Variants in STYK1 observed in about 807,000 individuals in gnomAD.
STYK1 encodes the protein STY kinase 1.
STYK1 carries 46 observed loss-of-function variants against 48.1 expected under a neutral mutation model. The observed-to-expected ratio is 0.96, with a 90% CI of 0.75 to 1.22. The LOEUF is 1.22. Ranked by LOEUF, STYK1 falls within the 50% of genes most tolerant of loss-of-function variation. The probability of loss-of-function intolerance (pLI) is 0.00; values close to 1 mark genes in which losing one functional copy is unlikely to be tolerated. For synonymous variants in STYK1, 188 were observed against 189.0 expected (o/e 0.99, Z 0.04); for missense variants, 527 against 521.1 (o/e 1.01, Z -0.11).
rs534521958 is a variant in STYK1, at chr12:10,672,713, A to G, written c.-195+1253T>C. Among the ~76,000 whole-genome samples the G allele has an allele frequency of 1.6e-3, 250 of 152,352 alleles. No homozygotes were observed. The highest frequency in any genetic ancestry group is 3.2e-3 in the Non-Finnish European group (215 of 68,024). ...TGTGAAAAAAATTGTCTTCCACAAA[A>G]TCAGTCCCTGGTGCCTGGTGCCAAA... On this transcript the variant is annotated intron_variant, in intron 1 of 10. Coordinates refer to ENST00000075503, the MANE Select transcript of STYK1 (RefSeq NM_018423.3). The surrounding 1 kb of genome is among the most constrained non-coding windows in gnomAD (Gnocchi z 4.0).
intron 1 of STYK1, among the ~76,000 whole-genome samples, chr12:10,654,680 C>T (rs1397561246): frequency 6.6e-6 from 1 of 152,170 alleles, no homozygotes; most frequent in African/African-American, 2.4e-5. Context: ...CTTAATGAAA[C>T]TTGAGTTTGA....
chr12:10,629,676 T>C lies in STYK1; in HGVS notation c.452-2A>G, dbSNP rs751376436. 4.3e-6 allele frequency: 7 copies of C among 1,614,010 alleles called. No individual in the cohort carries two copies. Among genetic ancestry groups the C allele is most frequent in the Non-Finnish European group, 5.9e-6 (7 of 1,180,026 alleles). ...GTACCTCATGGAGCCCAGCTGGTTCTGTAGAGGACGAAAGATCCAGGCAGT... is the reference window on the plus strand; with the variant it reads ...GTACCTCATGGAGCCCAGCTGGTTCCGTAGAGGACGAAAGATCCAGGCAGT... On this transcript the variant is annotated splice_acceptor_variant, in intron 5 of 10. Transcript: ENST00000075503. LOFTEE classifies it high-confidence loss of function.
At chr12:10,630,893 AG>A (rs1317219016) in intron 5 of STYK1, 151 bp downstream of exon 5, 1 of 1,017,678 alleles carries the variant, frequency 9.8e-7, no homozygotes, top group Non-Finnish European at 1.4e-6. Context: ...AAAGACACCA[AG>A]AAAAACATTT....
chr12:10,628,883 A>G (rs1006665240), intron 6 of STYK1, among the ~76,000 whole-genome samples: 1 of 152,202 alleles, frequency 6.6e-6, no homozygotes, highest in Non-Finnish European at 1.5e-5. Context: ...ACTGCAACAA[A>G]ATTATAATCA....
At chr12:10,654,956 C>T (rs117661587) in intron 1 of STYK1, among the ~76,000 whole-genome samples, 1,686 of 152,282 alleles carry the variant, frequency 0.011, 23 homozygotes, top group Middle Eastern at 0.044. Context: ...TCCTTCACTA[C>T]CTAGTCTCTC....
rs575043175 is a variant in STYK1 at position 10,623,020 on chromosome 12, GTC to G, written c.927-344_927-343del. 2.0e-5 allele frequency among the ~76,000 whole-genome samples: 3 copies of G among 148,200 alleles called. No individual in the cohort carries two copies. The East Asian group carries it at 5.8e-4, about 29-fold the overall frequency. On this transcript the variant is annotated intron_variant, in intron 8 of 10. Transcript: ENST00000075503. Reference sequence around the variant, plus strand: ...ATTTACCTAAAAATATTCCCTCTGTGTCTCTTTCTTCCTTTCCATCCCTCTCT... The same window carrying G: ...ATTTACCTAAAAATATTCCCTCTGTGTCTTTCTTCCTTTCCATCCCTCTCT...
At chr12:10,629,702 G>A in intron 5 of STYK1, 28 bp from the exon 6 acceptor site, 3 of 1,613,450 alleles carry the variant, frequency 1.9e-6, no homozygotes, top group South Asian at 1.1e-5. Flanking sequence ...TCCAGGCAGT[G>A]AGCAGTCAGA....
At chr12:10,653,874 A>T (rs541369655) in intron 1 of STYK1, among the ~76,000 whole-genome samples, 20 of 152,344 alleles carry the variant, frequency 1.3e-4, no homozygotes, top group Admixed American at 2.6e-4. Context: ...TCCATCTTGA[A>T]CAGGGGCTTG....
rs1444222539 is a variant in STYK1, at chr12:10,619,171, A to T, written c.*973T>A. 1 of 152,218 alleles carries T rather than the reference A, an allele frequency of 6.6e-6. No homozygotes were observed. The highest frequency in any genetic ancestry group is 1.5e-5 in the Non-Finnish European group (1 of 68,044). The allele number at this position is 152,218 out of a possible 1,614,324, so 9.4% of individuals were successfully genotyped here. On this transcript the variant is annotated 3_prime_UTR_variant, in exon 11 of 11. Coordinates refer to ENST00000075503, the MANE Select transcript of STYK1 (RefSeq NM_018423.3). ...ATTTTTAGTAGTTATAAACCAGAAA[A>T]GCATATTTCCATTTAATAAATATTA...
At chr12:10,629,355 T>C (rs1416668003) in intron 6 of STYK1, 138 bp downstream of exon 6, 1 of 852,084 alleles carries the variant, frequency 1.2e-6, no homozygotes, top group Non-Finnish European at 1.8e-6. Flanking sequence ...AAAGTTCTAT[T>C]ATATGGTCAT....
chr12:10,633,842 C>T (rs1194620481), intron 4 of STYK1, 148 bp downstream of exon 4: 1 of 894,340 alleles, frequency 1.1e-6, no homozygotes, highest in Non-Finnish European at 1.7e-6. Context: ...GAGATCATCC[C>T]CCTCTCAACT....
Position 10,624,789 on chromosome 12 carries a change from A to C in STYK1, c.788T>G (p.Leu263Arg), listed in dbSNP as rs1947337333. 6.2e-7 allele frequency: 1 copy of C among 1,614,174 alleles called. No homozygotes were observed. The highest frequency in any genetic ancestry group is 8.5e-7 in the Non-Finnish European group (1 of 1,180,026). ...GCCTAATCCACAGAGCTTAGCAGTGAGATCACTTTGCATCAGAATATTCCT... is the reference window on the plus strand; with the variant it reads ...GCCTAATCCACAGAGCTTAGCAGTGCGATCACTTTGCATCAGAATATTCCT... ...AARNILMQSD[L>R]TAKLCGLGLA... Residue 263 changes from leucine (L) to arginine (R), a missense_variant, in exon 8 of 11, where the codon CTC becomes CGC. By Grantham distance (102) the Leu-to-Arg change is moderately radical. Transcript: ENST00000075503.
chr12:10,652,789 A>G (rs1947676086), intron 1 of STYK1, among the ~76,000 whole-genome samples: 1 of 152,050 alleles, frequency 6.6e-6, no homozygotes, highest in Admixed American at 6.6e-5. Flanking sequence ...GAAAAAATCT[A>G]AGATAAATGA....
chr12:10,669,861 A>G (rs1328131995), intron 1 of STYK1, among the ~76,000 whole-genome samples: 2 of 152,264 alleles, frequency 1.3e-5, no homozygotes, highest in Non-Finnish European at 2.9e-5. Context: ...CAAATGACCA[A>G]CACATATGTG....
At chr12:10,650,119 CAAAAAAAAAAAAAAA>C (rs71051518) in intron 1 of STYK1, among the ~76,000 whole-genome samples, 23 of 51,316 alleles carry the variant, frequency 4.5e-4, no homozygotes, top group East Asian at 2.1e-3. Flanking sequence ...GACTCTGTCT[CAAAAAAAAAAAAAAA>C]AAAAAAAAAA....
rs1034807143 is a variant in STYK1 at position 10,619,710 on chromosome 12, A to C, written c.*434T>G. On this transcript the variant is annotated 3_prime_UTR_variant, in exon 11 of 11. Coordinates refer to ENST00000075503, the MANE Select transcript of STYK1 (RefSeq NM_018423.3). ...TGGTCCATATCTGTAATCCTGAGCA[A>C]GAAGAACCTTAAATTTTCTTTCCCT... 3 of 270,664 alleles carry C rather than the reference A, an allele frequency of 1.1e-5. No individual in the cohort carries two copies. Among genetic ancestry groups the C allele is most frequent in the African/African-American group, 6.6e-5 (3 of 45,708 alleles). The allele number at this position is 270,664 out of a possible 1,614,324, so 16.8% of individuals were successfully genotyped here.
In STYK1 at chr12:10,621,967, G is replaced by A. The variant is rs1447330404; in HGVS notation, c.973C>T (p.Pro325Ser). ...LLYEMVTLGA[P>S]PYPEVPPTSI... ...GTAGGAGGGACTTCAGGATACGGTGGTGCTCCTGTCATTACGAAAATAATG... is the reference window on the plus strand; with the variant it reads ...GTAGGAGGGACTTCAGGATACGGTGATGCTCCTGTCATTACGAAAATAATG... The change falls in exon 10 of 11, where the codon CCA (proline) becomes TCA (serine). Residue 325 changes from proline to serine, a missense_variant. Physicochemically the swap from Pro to Ser is moderately conservative, Grantham distance 74. Transcript: ENST00000075503. The A allele has an allele frequency of 6.8e-6, 11 of 1,613,486 alleles. No individual in the cohort carries two copies. The highest frequency in any genetic ancestry group is 2.7e-5 in the African/African-American group (2 of 74,990).
intron 1 of STYK1, among the ~76,000 whole-genome samples, chr12:10,664,351 A>G (rs138490043): frequency 1.0e-3 from 159 of 152,212 alleles, no homozygotes; most frequent in African/African-American, 3.7e-3. Flanking sequence ...CCATCCTCCT[A>G]CAGAGACCAC....
intron 1 of STYK1, among the ~76,000 whole-genome samples, chr12:10,641,640 G>T (rs1158503820): frequency 6.6e-6 from 1 of 152,348 alleles, no homozygotes; most frequent in African/African-American, 2.4e-5. Flanking sequence ...TTCACCATCA[G>T]AAAGCTAACT....
Sources: gnomAD v4.1 joint callset for allele counts (sites outside exome capture counted in the v4.1 genomes callset) on GRCh38, gnomAD v4.1.1 for gene constraint, Gnocchi (gnomAD v3.1) non-coding constraint, MANE v1.5 for transcripts, NCBI Gene and HGNC (gene_info 2026-07-23, HGNC 2026-07-21) for gene names.